The following PDIK1L variants were observed in gnomAD, a reference collection of about 807,000 sequenced individuals.
The protein encoded by PDIK1L is serine/threonine-protein kinase PDIK1L.
A neutral mutation model predicts 27.1 loss-of-function variants in PDIK1L; 9 were observed. That is an observed-to-expected ratio of 0.33 (90% CI 0.20 to 0.58). The LOEUF (loss-of-function observed/expected upper bound fraction) is 0.58. PDIK1L is among the 20% of genes least tolerant of loss of function. The pLI is 0.86. For synonymous variants in PDIK1L, 130 were observed against 141.7 expected (o/e 0.92, Z 0.59); for missense variants, 216 against 413.2 (o/e 0.52, Z 4.14).
At chr1:26,121,781 A>G (rs1346880977) in intron 2 of PDIK1L, 56 bp from the exon 3 acceptor site, 33 of 1,488,386 alleles carry the variant, frequency 2.2e-5, no homozygotes, top group Non-Finnish European at 2.4e-5. Context: ...ATTTTCCTAT[A>G]ACTGAATTGT....
At chr1:26,115,938 C>T (rs920637240) in intron 2 of PDIK1L, among the ~76,000 whole-genome samples, 3 of 152,246 alleles carry the variant, frequency 2.0e-5, no homozygotes, top group Non-Finnish European at 2.9e-5. Flanking sequence ...TGGCTCATCA[C>T]GCCTGTAATC....
intron 1 of PDIK1L, among the ~76,000 whole-genome samples, chr1:26,113,719 G>A (rs2087836949): frequency 6.6e-6 from 1 of 152,132 alleles, no homozygotes; most frequent in African/African-American, 2.4e-5. Flanking sequence ...ATTTCTAACT[G>A]TGAGGGGGTT....
chr1:26,121,062 A>T (rs2087978406), intron 2 of PDIK1L, among the ~76,000 whole-genome samples: 1 of 152,190 alleles, frequency 6.6e-6, no homozygotes. Flanking sequence ...AGATAATAAT[A>T]ACAAATAAAA....
chr1:26,113,571 G>T (rs2087834108), intron 1 of PDIK1L, among the ~76,000 whole-genome samples: 1 of 151,056 alleles, frequency 6.6e-6, no homozygotes, highest in Non-Finnish European at 1.5e-5. Flanking sequence ...AAGAAATAAG[G>T]AGATGACATA....
Position 26,114,249 on chromosome 1 carries a change from A to C in PDIK1L, c.-17-43A>C, listed in dbSNP as rs2087844574. The C allele has an allele frequency of 5.3e-6, 8 of 1,508,608 alleles. No homozygotes were observed. The Admixed American group carries it at 1.4e-4, about 26-fold the overall frequency. The allele number at this position is 1,508,608 out of a possible 1,614,324, so 93.5% of individuals were successfully genotyped here. ...TACATAAGAAGAAATACAAGCCAGT[A>C]GGTATACATAATTTCAACAGAGCAC... On this transcript the variant is annotated intron_variant, in intron 1 of 2. Coordinates refer to ENST00000374269, the MANE Select transcript of PDIK1L (RefSeq NM_152835.5). This position sits in a 1 kb window ranked among gnomAD's most constrained non-coding sequence, Gnocchi z 4.8.
intron 2 of PDIK1L, among the ~76,000 whole-genome samples, chr1:26,118,126 AT>A (rs1023367830): frequency 1.3e-5 from 2 of 152,102 alleles, no homozygotes; most frequent in Non-Finnish European, 2.9e-5. Context: ...AAGAGGCATG[AT>A]CTATTTTGAA....
chr1:26,118,816 GACAA>G (rs1435319467), intron 2 of PDIK1L, among the ~76,000 whole-genome samples: 2 of 152,114 alleles, frequency 1.3e-5, no homozygotes, highest in African/African-American at 4.8e-5. Context: ...ATTTAGTAAA[GACAA>G]ACAAATCTGT....
At chr1:26,116,510 C>T (rs1253707353) in intron 2 of PDIK1L, among the ~76,000 whole-genome samples, 2 of 151,318 alleles carry the variant, frequency 1.3e-5, no homozygotes, top group Admixed American at 6.6e-5. Flanking sequence ...GAGATTCTGT[C>T]CCCCAAAACA....
At chr1:26,120,506 G>T (rs1185824226) in intron 2 of PDIK1L, among the ~76,000 whole-genome samples, 1 of 152,232 alleles carries the variant, frequency 6.6e-6, no homozygotes, top group Non-Finnish European at 1.5e-5. Context: ...GGCGTGAAGA[G>T]ATGTTCTTTG....
chr1:26,119,280 T>C (rs746267659), intron 2 of PDIK1L, among the ~76,000 whole-genome samples: 1 of 152,016 alleles, frequency 6.6e-6, no homozygotes, highest in African/African-American at 2.4e-5. Flanking sequence ...TGGTGGTGCA[T>C]GCCTGTAGTC....
At chr1:26,117,723 A>G (rs966592441) in intron 2 of PDIK1L, among the ~76,000 whole-genome samples, 1 of 152,056 alleles carries the variant, frequency 6.6e-6, no homozygotes, top group Non-Finnish European at 1.5e-5. Flanking sequence ...AGCCTGGGTG[A>G]CAGAACGAGA....
At chr1:26,116,284 A>C (rs1255837115) in intron 2 of PDIK1L, among the ~76,000 whole-genome samples, 1 of 151,666 alleles carries the variant, frequency 6.6e-6, no homozygotes, top group South Asian at 2.1e-4. Flanking sequence ...GTGAAGCAGG[A>C]GGATCACTTC....
At chr1:26,120,103 C>T (rs1026136495) in intron 2 of PDIK1L, among the ~76,000 whole-genome samples, 2 of 152,130 alleles carry the variant, frequency 1.3e-5, no homozygotes, top group Admixed American at 6.5e-5. Flanking sequence ...CCAGCGGCCC[C>T]GTGGCCTGTT....
intron 2 of PDIK1L, among the ~76,000 whole-genome samples, chr1:26,116,002 A>G (rs2087870103): frequency 6.6e-6 from 1 of 152,062 alleles, no homozygotes; most frequent in Admixed American, 6.6e-5. Context: ...GGAGTTTGAG[A>G]CCAGCCTGGC....
intron 1 of PDIK1L, among the ~76,000 whole-genome samples, chr1:26,113,104 A>C (rs2087823039): frequency 6.6e-6 from 1 of 152,260 alleles, no homozygotes; most frequent in Non-Finnish European, 1.5e-5. Flanking sequence ...ACTAGGAAAA[A>C]GGAAACATAA....
chr1:26,116,202 C>CAA (rs56019165), intron 2 of PDIK1L, among the ~76,000 whole-genome samples: 62 of 128,580 alleles, frequency 4.8e-4, no homozygotes, highest in African/African-American at 1.2e-3. Context: ...GACTCCATCT[C>CAA]AAAAAAAAAA....
chr1:26,122,995 T>C lies in PDIK1L; in HGVS notation c.*418T>C, dbSNP rs999925524. 4 of 154,624 alleles carry C rather than the reference T, an allele frequency of 2.6e-5. No homozygotes were observed. The highest frequency in any genetic ancestry group is 4.3e-5 in the Non-Finnish European group (3 of 69,308). The allele number at this position is 154,624 out of a possible 1,614,324, so 9.6% of individuals were successfully genotyped here. A position where few individuals can be genotyped will look rare whatever the true frequency, so the allele number is the denominator to read the frequency against. On this transcript the variant is annotated 3_prime_UTR_variant, in exon 3 of 3. Transcript: ENST00000374269. The surrounding 1 kb of genome is among the most constrained non-coding windows in gnomAD (Gnocchi z 5.4). ...AAGGAAACATATATGTATATATTTATGTATATGTAAGTATGTGAATGTGCG... is the reference window on the plus strand; with the variant it reads ...AAGGAAACATATATGTATATATTTACGTATATGTAAGTATGTGAATGTGCG...
intron 1 of PDIK1L, among the ~76,000 whole-genome samples, chr1:26,112,962 GC>G (rs1222630127): frequency 1.3e-5 from 2 of 152,218 alleles, no homozygotes; most frequent in African/African-American, 2.4e-5. Context: ...CAGGGCCTTT[GC>G]CCTCGCCTTT....
At chr1:26,121,103 T>A (rs2087979444) in intron 2 of PDIK1L, among the ~76,000 whole-genome samples, 1 of 152,180 alleles carries the variant, frequency 6.6e-6, no homozygotes, top group Non-Finnish European at 1.5e-5. Flanking sequence ...TCAGCTTGTA[T>A]GAAAGAAGAA....
Sources: allele counts gnomAD v4.1 joint callset (sites outside exome capture counted in the v4.1 genomes callset), GRCh38; gene constraint gnomAD v4.1.1; non-coding constraint Gnocchi (gnomAD v3.1); transcripts MANE v1.5; gene names NCBI Gene and HGNC (gene_info 2026-07-23, HGNC 2026-07-21).